TAF4B: variants seen among roughly 807,000 people sequenced by gnomAD.
The protein encoded by TAF4B is transcription initiation factor TFIID subunit 4B.
In TAF4B, 38 loss-of-function variants were observed where a neutral mutation model predicts 86.4. The observed-to-expected ratio is 0.44, with a 90% CI of 0.34 to 0.58. The LOEUF (loss-of-function observed/expected upper bound fraction) is 0.58. Among genes scored for constraint, TAF4B ranks in the 20% least tolerant of loss-of-function variants. TAF4B has a pLI of 0.02. For synonymous variants in TAF4B, 388 were observed against 391.2 expected (o/e 0.99, Z 0.10); for missense variants, 988 against 1,027.6 (o/e 0.96, Z 0.53).
chr18:26,246,378 A>G (rs1223207163), intron 1 of TAF4B, among the ~76,000 whole-genome samples: 2 of 152,176 alleles, frequency 1.3e-5, no homozygotes, highest in African/African-American at 2.4e-5. Flanking sequence ...TGGTATGCCA[A>G]TCAAGTTTGT....
intron 1 of TAF4B, among the ~76,000 whole-genome samples, chr18:26,258,696 A>T (rs530944334): frequency 2.0e-5 from 3 of 151,376 alleles, no homozygotes; most frequent in Non-Finnish European, 3.0e-5. Context: ...AGTTTAAATT[A>T]AAAAAAAATT....
intron 3 of TAF4B, among the ~76,000 whole-genome samples, chr18:26,270,242 T>C (rs2056296095): frequency 6.6e-6 from 1 of 152,186 alleles, no homozygotes; most frequent in Non-Finnish European, 1.5e-5. Context: ...CAGGGCCCTT[T>C]TGGGAGCCAG....
intron 1 of TAF4B, among the ~76,000 whole-genome samples, chr18:26,256,776 C>A (rs1260299542): frequency 6.7e-6 from 1 of 148,284 alleles, no homozygotes; most frequent in Non-Finnish European, 1.5e-5. Flanking sequence ...CCATTGGTTA[C>A]TTAGAAGTGT....
chr18:26,282,273 A>G (rs1197470069), intron 6 of TAF4B, among the ~76,000 whole-genome samples: 1 of 152,198 alleles, frequency 6.6e-6, no homozygotes, highest in East Asian at 1.9e-4. Context: ...TTATTCATGA[A>G]CATAAGTTCA....
In TAF4B at chr18:26,327,141, G is replaced by GT. The variant is rs1416843838; in HGVS notation, c.2259+2dup. On this transcript the variant is annotated splice_donor_variant, in intron 12 of 14. Transcript: ENST00000269142. LOFTEE classifies it high-confidence loss of function. ...AGAAATGTTACTTAAGGCAGCCAAG[G>GT]TAAGGGCCAGTGTGATTTATGAGTG... The GT allele has an allele frequency of 6.2e-7, 1 of 1,610,224 alleles. No individual in the cohort carries two copies. The highest frequency in any genetic ancestry group is 1.3e-5 in the African/African-American group (1 of 74,890).
intron 1 of TAF4B, among the ~76,000 whole-genome samples, chr18:26,240,890 T>C (rs1217107680): frequency 6.6e-6 from 1 of 152,222 alleles, no homozygotes; most frequent in Non-Finnish European, 1.5e-5. Flanking sequence ...ATTACGTTTA[T>C]TGATTTTCAT....
chr18:26,358,776 A>G (rs956768382), intron 14 of TAF4B, among the ~76,000 whole-genome samples: 2 of 152,228 alleles, frequency 1.3e-5, no homozygotes, highest in African/African-American at 4.8e-5. Context: ...TAGGGCTGAG[A>G]TAGAGGTATG....
intron 7 of TAF4B, among the ~76,000 whole-genome samples, chr18:26,290,329 T>C (rs2056576762): frequency 6.6e-6 from 1 of 152,114 alleles, no homozygotes; most frequent in South Asian, 2.1e-4. Flanking sequence ...TTATTTTGAT[T>C]AGAGACAGGG....
chr18:26,334,145 G>T lies in TAF4B; in HGVS notation c.2260-1030G>T, dbSNP rs144365825. Among the ~76,000 whole-genome samples the T allele has an allele frequency of 4.0e-3, 602 of 152,108 alleles. 1 individual carries two copies. The highest frequency in any genetic ancestry group is 5.7e-3 in the Non-Finnish European group (387 of 67,984). The stretch of plus-strand genomic sequence containing the variant: ...AATGAAATTTTGTTAGTAGATTGGG[G>T]ACTAAAATGAAGAAAAATTTTACCA... On this transcript the variant is annotated intron_variant, in intron 12 of 14. Transcript: ENST00000269142.
At chr18:26,285,210 CT>C (rs113394710) in intron 6 of TAF4B, among the ~76,000 whole-genome samples, 2 of 42,548 alleles carry the variant, frequency 4.7e-5, no homozygotes, top group Admixed American at 3.2e-4. Flanking sequence ...TCTTCCTTTC[CT>C]TTTTTTTTTT....
intron 14 of TAF4B, among the ~76,000 whole-genome samples, chr18:26,371,956 C>G (rs1305087386): frequency 6.6e-6 from 1 of 152,124 alleles, no homozygotes; most frequent in African/African-American, 2.4e-5. Flanking sequence ...TAATTAGACA[C>G]TTTAGGGATT....
intron 9 of TAF4B, among the ~76,000 whole-genome samples, chr18:26,305,680 GT>G (rs2056787633): frequency 6.6e-6 from 1 of 152,094 alleles, no homozygotes; most frequent in East Asian, 1.9e-4. Flanking sequence ...TATTTGTTTT[GT>G]TTTGATATTA....
chr18:26,299,319 G>T (rs1436559167), intron 9 of TAF4B, among the ~76,000 whole-genome samples: 1 of 152,100 alleles, frequency 6.6e-6, no homozygotes, highest in African/African-American at 2.4e-5. Flanking sequence ...ATTTAAGGTG[G>T]TCATTGATTT....
At chr18:26,342,081 T>G (rs1156290495) in intron 13 of TAF4B, among the ~76,000 whole-genome samples, 3 of 152,310 alleles carry the variant, frequency 2.0e-5, no homozygotes, top group East Asian at 3.8e-4. Context: ...TTAAAACATT[T>G]CCATTGTTTG....
intron 12 of TAF4B, among the ~76,000 whole-genome samples, chr18:26,329,201 G>T (rs1017695031): frequency 6.6e-6 from 1 of 151,952 alleles, no homozygotes; most frequent in Non-Finnish European, 1.5e-5. Flanking sequence ...GGGACTACAC[G>T]CACACACCAC....
At chr18:26,297,105 GC>G (rs1344097557) in intron 9 of TAF4B, among the ~76,000 whole-genome samples, 1 of 150,762 alleles carries the variant, frequency 6.6e-6, no homozygotes, top group Non-Finnish European at 1.5e-5. Flanking sequence ...CTGCACTCCA[GC>G]CTGGGTGACA....
At position 26,226,869 on chromosome 18, in the gene TAF4B, C is replaced by G; in HGVS notation, c.-65C>G. The G allele has an allele frequency of 5.5e-6, 7 of 1,271,256 alleles. No individual in the cohort carries two copies. The highest frequency in any genetic ancestry group is 7.0e-6 in the Non-Finnish European group (7 of 996,364). 78.7% of individuals were successfully genotyped at this position (1,271,256 alleles called of 1,614,324 possible). A position where few individuals can be genotyped will look rare whatever the true frequency, so the allele number is the denominator to read the frequency against. On this transcript the variant is annotated 5_prime_UTR_variant, in exon 1 of 15. Transcript: ENST00000269142. ...CCGCACCGGAGTCGGCTGCCGCGCG[C>G]CAAGCCTCCCCTCACCTCTGCTCCC... is the stretch of plus-strand genomic sequence containing the variant.
chr18:26,371,206 C>T (rs1013334478), intron 14 of TAF4B, among the ~76,000 whole-genome samples: 4 of 152,256 alleles, frequency 2.6e-5, no homozygotes, highest in East Asian at 1.9e-4. Flanking sequence ...TCTACTGAAT[C>T]GACACATATT....
chr18:26,310,370 G>A (rs1023942511), intron 9 of TAF4B, among the ~76,000 whole-genome samples: 2 of 152,100 alleles, frequency 1.3e-5, no homozygotes, highest in African/African-American at 2.4e-5. Flanking sequence ...TACTTCCTAG[G>A]TGTTTCCTAA....
Sources: allele counts gnomAD v4.1 joint callset (sites outside exome capture counted in the v4.1 genomes callset), GRCh38; gene constraint gnomAD v4.1.1; transcripts MANE v1.5; gene names NCBI Gene and HGNC (gene_info 2026-07-23, HGNC 2026-07-21).